The following CLIC4 variants were observed in gnomAD, a reference collection of about 807,000 sequenced individuals.
The protein encoded by CLIC4 is CLIC family member 4.
A neutral mutation model predicts 24.6 loss-of-function variants in CLIC4; 13 were observed. The observed-to-expected ratio is 0.53, with a 90% confidence interval of 0.34 to 0.84. CLIC4 has a LOEUF of 0.84. Among genes scored for constraint, CLIC4 ranks in the 40% least tolerant of loss-of-function variants. The pLI is 0.01. For missense variants in CLIC4, 227 were observed against 301.7 expected (o/e 0.75, Z 1.83); for synonymous variants, 104 against 111.3 (o/e 0.93, Z 0.41).
Position 24,840,006 on chromosome 1 carries a change from GA to G in CLIC4, c.563del (p.Asp188ValfsTer27), listed in dbSNP as rs1375044316. On this transcript the variant is annotated frameshift_variant, in exon 5 of 6. Coordinates refer to ENST00000374379, the MANE Select transcript of CLIC4 (RefSeq NM_013943.3). LOFTEE classifies it high-confidence loss of function. ...GGATGGCAATGAAATGACATTAGCT[GA>G]TTGCAACCTGCTGCCCAAACTGCAT... is the stretch of plus-strand genomic sequence containing the variant. ...FLDGNEMTLADCNLLPKLHIV... is the reference protein window; with the variant it reads ...FLDGNEMTLAXCNLLPKLHIV... The G allele has an allele frequency of 1.2e-6, 2 of 1,614,120 alleles. No individual in the cohort carries two copies. Among genetic ancestry groups the G allele is most frequent in the Non-Finnish European group, 1.7e-6 (2 of 1,180,006 alleles).
intron 2 of CLIC4, among the ~76,000 whole-genome samples, chr1:24,809,314 A>C (rs1412393687): frequency 4.6e-5 from 7 of 152,212 alleles, no homozygotes; most frequent in Non-Finnish European, 5.9e-5. Flanking sequence ...GTAGTCATAG[A>C]AACCTGAGGC....
intron 1 of CLIC4, among the ~76,000 whole-genome samples, chr1:24,758,962 T>C (rs771672080): frequency 5.3e-5 from 8 of 152,072 alleles, no homozygotes; most frequent in Non-Finnish European, 1.2e-4. Context: ...TTAAAGAAAA[T>C]TTATTTAGGT....
intron 3 of CLIC4, among the ~76,000 whole-genome samples, chr1:24,822,223 G>A (rs1571262060): frequency 6.6e-6 from 1 of 151,662 alleles, no homozygotes; most frequent in South Asian, 2.1e-4. Flanking sequence ...GCTTTAATGA[G>A]TACAAAATTG....
At chr1:24,796,120 T>G (rs1473819264) in intron 1 of CLIC4, among the ~76,000 whole-genome samples, 1 of 152,228 alleles carries the variant, frequency 6.6e-6, no homozygotes, top group Non-Finnish European at 1.5e-5. Flanking sequence ...ATTGTTTATG[T>G]TTTAAATTAT....
intron 1 of CLIC4, among the ~76,000 whole-genome samples, chr1:24,746,307 C>T (rs1218435030): frequency 2.6e-5 from 4 of 152,150 alleles, no homozygotes; most frequent in East Asian, 1.9e-4. Flanking sequence ...GGCTTCTCCC[C>T]CCGGCGTTGC....
intron 1 of CLIC4, among the ~76,000 whole-genome samples, chr1:24,767,476 A>G (rs978382006): frequency 6.6e-6 from 1 of 152,230 alleles, no homozygotes. Context: ...CCAGACTGCC[A>G]CTACCACCAG....
intron 1 of CLIC4, among the ~76,000 whole-genome samples, chr1:24,774,976 C>T (rs958467137): frequency 2.7e-4 from 41 of 151,352 alleles, no homozygotes; most frequent in African/African-American, 7.8e-4. Context: ...GCAGCTGAGG[C>T]GGGAGAATCG....
intron 3 of CLIC4, among the ~76,000 whole-genome samples, chr1:24,820,723 C>T (rs1224377959): frequency 4.1e-5 from 1 of 24,466 alleles, no homozygotes; most frequent in African/African-American, 7.7e-5. Context: ...TATTCATTCT[C>T]TATGAAGGAA....
chr1:24,794,352 T>C (rs1217855079), intron 1 of CLIC4, among the ~76,000 whole-genome samples: 1 of 40,166 alleles, frequency 2.5e-5, no homozygotes, highest in African/African-American at 6.8e-5. Flanking sequence ...CCAGCATCTG[T>C]TTTTTTTTTT....
At chr1:24,755,733 TTAGTC>T (rs1208555710) in intron 1 of CLIC4, among the ~76,000 whole-genome samples, 1 of 152,108 alleles carries the variant, frequency 6.6e-6, no homozygotes, top group Non-Finnish European at 1.5e-5. Flanking sequence ...GGATAATATG[TTAGTC>T]TAATTTATGA....
At chr1:24,760,179 A>T (rs1638904323) in intron 1 of CLIC4, among the ~76,000 whole-genome samples, 1 of 152,050 alleles carries the variant, frequency 6.6e-6, no homozygotes, top group Non-Finnish European at 1.5e-5. Flanking sequence ...AGCCTGGCCA[A>T]CATGGGGAAA....
intron 1 of CLIC4, among the ~76,000 whole-genome samples, chr1:24,747,885 A>G (rs1286458167): frequency 6.6e-6 from 1 of 151,756 alleles, no homozygotes; most frequent in Non-Finnish European, 1.5e-5. Context: ...AAATAGAAAA[A>G]TTAGCCAGGC....
chr1:24,747,603 T>C (rs1032365855), intron 1 of CLIC4, among the ~76,000 whole-genome samples: 1 of 147,668 alleles, frequency 6.8e-6, no homozygotes, highest in Non-Finnish European at 1.5e-5. Context: ...GGGAAACAAG[T>C]GGGCCAGAGA....
chr1:24,759,192 A>G (rs1021413291), intron 1 of CLIC4, among the ~76,000 whole-genome samples: 1 of 152,216 alleles, frequency 6.6e-6, no homozygotes, highest in African/African-American at 2.4e-5. Flanking sequence ...TTCAATATCT[A>G]TGTAATAGGT....
intron 3 of CLIC4, among the ~76,000 whole-genome samples, chr1:24,815,039 C>T (rs929389526): frequency 9.9e-5 from 15 of 152,092 alleles, no homozygotes; most frequent in African/African-American, 3.4e-4. Context: ...GAGTTAGGTT[C>T]CAGACCACAG....
chr1:24,769,566 A>G lies in CLIC4; in HGVS notation c.72+23941A>G, dbSNP rs1639047629. On this transcript the variant is annotated intron_variant, in intron 1 of 5. Coordinates refer to ENST00000374379, the MANE Select transcript of CLIC4 (RefSeq NM_013943.3). ...AACTTTGTTTATGTTATTTTTCTCT[A>G]TTTATTTGAAACTTGAATGCTTTCC... 2.0e-5 allele frequency among the ~76,000 whole-genome samples: 3 copies of G among 152,152 alleles called. No individual in the cohort carries two copies. The South Asian group carries it at 6.2e-4, about 32-fold the overall frequency.
At chr1:24,775,896 AT>A (rs1022432129) in intron 1 of CLIC4, among the ~76,000 whole-genome samples, 8 of 149,240 alleles carry the variant, frequency 5.4e-5, no homozygotes, top group Admixed American at 3.4e-4. Context: ...ATTTTGGATT[AT>A]ATTCTGGATA....
chr1:24,802,300 GTTGA>G (rs1261200390), intron 2 of CLIC4, among the ~76,000 whole-genome samples: 1 of 152,066 alleles, frequency 6.6e-6, no homozygotes, highest in African/African-American at 2.4e-5. Flanking sequence ...ATTCCTATAG[GTTGA>G]TTGATATTTG....
intron 2 of CLIC4, among the ~76,000 whole-genome samples, chr1:24,809,246 G>T (rs1639588190): frequency 1.3e-5 from 2 of 152,118 alleles, no homozygotes; most frequent in Admixed American, 6.6e-5. Flanking sequence ...TGGACTTTGA[G>T]TTAAAAATTT....
Sources: allele counts gnomAD v4.1 joint callset (sites outside exome capture counted in the v4.1 genomes callset), GRCh38; gene constraint gnomAD v4.1.1; transcripts MANE v1.5; gene names NCBI Gene and HGNC (gene_info 2026-07-23, HGNC 2026-07-21).